EXOC6B: variants seen among roughly 807,000 people sequenced by gnomAD.
EXOC6B encodes the protein exocyst complex component 6B.
A neutral mutation model predicts 113.5 loss-of-function variants in EXOC6B; 54 were observed. The ratio of observed to expected loss-of-function variants is 0.48; its 90% CI spans 0.38 to 0.60. EXOC6B has a LOEUF of 0.60. EXOC6B is among the 20% of genes least tolerant of loss of function. The pLI, the probability that EXOC6B is intolerant of heterozygous loss-of-function variation, is 0.00. For synonymous variants in EXOC6B, 357 were observed against 339.0 expected, an observed-to-expected ratio of 1.05 and a Z score of -0.58; for missense variants, 797 against 977.5, an observed-to-expected ratio of 0.82 and a Z score of 2.46.
chr2:72,304,572 T>C (rs1686717465), intron 20 of EXOC6B, among the ~76,000 whole-genome samples: 1 of 152,206 alleles, frequency 6.6e-6, no homozygotes, highest in South Asian at 2.1e-4. Context: ...GGTATGTATG[T>C]TTTCATTTTA....
chr2:72,635,275 G>T (rs1672739472), intron 6 of EXOC6B, among the ~76,000 whole-genome samples: 1 of 152,008 alleles, frequency 6.6e-6, no homozygotes, highest in Non-Finnish European at 1.5e-5. Context: ...GAAACAAAAA[G>T]GTGGTTCTTT....
chr2:72,806,550 T>C (rs1439556832), intron 1 of EXOC6B, among the ~76,000 whole-genome samples: 1 of 152,248 alleles, frequency 6.6e-6, no homozygotes, highest in Non-Finnish European at 1.5e-5. Flanking sequence ...ATATACCCAG[T>C]AATGGGATTG....
At chr2:72,296,308 C>A (rs1032928773) in intron 20 of EXOC6B, among the ~76,000 whole-genome samples, 1 of 151,906 alleles carries the variant, frequency 6.6e-6, no homozygotes, top group Admixed American at 6.6e-5. Flanking sequence ...TCAGACTCTT[C>A]CAGAGAAAAA....
intron 20 of EXOC6B, among the ~76,000 whole-genome samples, chr2:72,185,894 CCCCCAACCCCACGACAGG>C (rs1678400825): frequency 6.6e-6 from 1 of 151,820 alleles, no homozygotes; most frequent in African/African-American, 2.4e-5. Flanking sequence ...CCTCCCCCTC[CCCCCAACCCCACGACAGG>C]CCCCGGTGTG....
chr2:72,798,729 G>A (rs1011962416), intron 1 of EXOC6B, among the ~76,000 whole-genome samples: 2 of 151,872 alleles, frequency 1.3e-5, no homozygotes, highest in Non-Finnish European at 2.9e-5. Flanking sequence ...GGGAACACAG[G>A]CCAAAGCAAC....
In EXOC6B at chr2:72,762,541, A is replaced by G. The variant is rs895542034; in HGVS notation, c.114-21072T>C. Among the ~76,000 whole-genome samples, 14 of 151,954 alleles carry G rather than the reference A, an allele frequency of 9.2e-5. 1 individual carries two copies. The highest frequency in any genetic ancestry group is 2.9e-4 in the African/African-American group (12 of 41,468). Reference sequence around the variant, plus strand: ...TGGAAAGATACCTGTAAAGTGCTAAAGGAAAAAAAAAAATTGTAAATCAAG... The same window carrying G: ...TGGAAAGATACCTGTAAAGTGCTAAGGGAAAAAAAAAAATTGTAAATCAAG... On this transcript the variant is annotated intron_variant, in intron 1 of 21. Coordinates refer to ENST00000272427, the MANE Select transcript of EXOC6B (RefSeq NM_015189.3).
At chr2:72,230,827 G>C (rs1242286250) in intron 20 of EXOC6B, among the ~76,000 whole-genome samples, 1 of 152,104 alleles carries the variant, frequency 6.6e-6, no homozygotes, top group African/African-American at 2.4e-5. Flanking sequence ...GCTAGGAATA[G>C]TCAGATAGAG....
intron 8 of EXOC6B, among the ~76,000 whole-genome samples, chr2:72,522,579 C>A (rs1354039669): frequency 6.6e-6 from 1 of 152,116 alleles, no homozygotes; most frequent in Non-Finnish European, 1.5e-5. Flanking sequence ...ATAATGCTTA[C>A]TTTTTGATGT....
intron 8 of EXOC6B, among the ~76,000 whole-genome samples, chr2:72,551,329 T>G (rs958457127): frequency 7.3e-6 from 1 of 136,924 alleles, no homozygotes; most frequent in Non-Finnish European, 1.6e-5. Context: ...TCCCAAGTAG[T>G]TGGGATTACA....
chr2:72,253,370 A>T (rs1203688722), intron 20 of EXOC6B, among the ~76,000 whole-genome samples: 1 of 152,246 alleles, frequency 6.6e-6, no homozygotes, highest in Non-Finnish European at 1.5e-5. Context: ...AATGAAAATC[A>T]TTCTACCATA....
intron 18 of EXOC6B, among the ~76,000 whole-genome samples, chr2:72,391,734 C>T (rs956702617): frequency 6.6e-6 from 1 of 151,734 alleles, no homozygotes; most frequent in Non-Finnish European, 1.5e-5. Flanking sequence ...CTTTTCCATT[C>T]TTAACATCAA....
At chr2:72,680,034 A>G (rs1423169126) in intron 6 of EXOC6B, among the ~76,000 whole-genome samples, 7 of 152,142 alleles carry the variant, frequency 4.6e-5, no homozygotes, top group Non-Finnish European at 2.9e-5. Context: ...CTTTTTTCCT[A>G]AAGATGTCAT....
chr2:72,389,456 C>G (rs980431181), intron 18 of EXOC6B, among the ~76,000 whole-genome samples: 1 of 151,848 alleles, frequency 6.6e-6, no homozygotes, highest in Non-Finnish European at 1.5e-5. Flanking sequence ...TGAGTAAAAA[C>G]TTTTTTATCT....
intron 6 of EXOC6B, among the ~76,000 whole-genome samples, chr2:72,677,067 C>G (rs561313741): frequency 1.6e-4 from 24 of 152,148 alleles, no homozygotes; most frequent in Non-Finnish European, 3.1e-4. Flanking sequence ...TAAATAAATT[C>G]CACTAAATCT....
At chr2:72,411,301 T>A (rs1167632161) in intron 18 of EXOC6B, among the ~76,000 whole-genome samples, 1 of 151,886 alleles carries the variant, frequency 6.6e-6, no homozygotes, top group African/African-American at 2.4e-5. Flanking sequence ...AAAAAGGAAA[T>A]CTCTTGGTGC....
intron 6 of EXOC6B, among the ~76,000 whole-genome samples, chr2:72,680,424 A>T (rs1397053801): frequency 6.6e-6 from 1 of 152,218 alleles, no homozygotes; most frequent in East Asian, 1.9e-4. Flanking sequence ...AAGCATTTAC[A>T]ACAGCACCTA....
intron 18 of EXOC6B, among the ~76,000 whole-genome samples, chr2:72,424,068 AG>A (rs1695067681): frequency 6.6e-6 from 1 of 152,090 alleles, no homozygotes; most frequent in Non-Finnish European, 1.5e-5. Context: ...TTTCTATGTC[AG>A]GTTTTGTATC....
chr2:72,577,507 G>C (rs138632547), intron 6 of EXOC6B, among the ~76,000 whole-genome samples: 3 of 151,926 alleles, frequency 2.0e-5, no homozygotes, highest in Admixed American at 2.0e-4. Context: ...TTCATAAGTC[G>C]TATTTTATTG....
intron 18 of EXOC6B, among the ~76,000 whole-genome samples, chr2:72,438,982 A>G (rs910105294): frequency 3.3e-5 from 5 of 152,152 alleles, no homozygotes; most frequent in African/African-American, 1.2e-4. Flanking sequence ...AATTCCAGAA[A>G]AGTTTTCTGA....
Sources: allele counts gnomAD v4.1 joint callset (sites outside exome capture counted in the v4.1 genomes callset), GRCh38; gene constraint gnomAD v4.1.1; transcripts MANE v1.5; gene names NCBI Gene and HGNC (gene_info 2026-07-23, HGNC 2026-07-21).